MSRB3: variants seen among roughly 807,000 people sequenced by gnomAD.
MSRB3 encodes methionine sulfoxide reductase B3, also known as methionine-R-sulfoxide reductase B3.
In MSRB3, 13 loss-of-function variants were observed where a neutral mutation model predicts 21.0. The observed-to-expected ratio is 0.62, with a 90% CI of 0.40 to 0.98. MSRB3 has a LOEUF of 0.98. Ranked by LOEUF, MSRB3 falls within the 50% of genes least tolerant of loss-of-function variation. MSRB3 has a pLI of 0.00. For synonymous variants in MSRB3, 87 were observed against 88.6 expected (o/e 0.98, Z 0.10); for missense variants, 199 against 230.3 (o/e 0.86, Z 0.88).
chr12:65,383,636 A>T (rs149809655), intron 5 of MSRB3, among the ~76,000 whole-genome samples: 26 of 151,308 alleles, frequency 1.7e-4, no homozygotes, highest in African/African-American at 6.3e-4. Context: ...ACATAAATGA[A>T]CAAAGAGATG....
intron 6 of MSRB3, among the ~76,000 whole-genome samples, chr12:65,462,651 G>T (rs554765249): frequency 6.6e-6 from 1 of 152,276 alleles, no homozygotes; most frequent in South Asian, 2.1e-4. Context: ...TTGCTTCGCT[G>T]GGTTCCAAGA....
chr12:65,288,949 G>T (rs1872537630), intron 1 of MSRB3, among the ~76,000 whole-genome samples: 1 of 151,976 alleles, frequency 6.6e-6, no homozygotes, highest in South Asian at 2.1e-4. Flanking sequence ...ACACAAAAAA[G>T]AATATATAGT....
intron 4 of MSRB3, among the ~76,000 whole-genome samples, chr12:65,339,002 G>A (rs1204148632): frequency 3.3e-5 from 5 of 152,110 alleles, no homozygotes; most frequent in Non-Finnish European, 7.4e-5. Context: ...GCTTGAACCC[G>A]GGAGGCGGAG....
At chr12:65,445,429 C>T (rs1392986220) in intron 5 of MSRB3, among the ~76,000 whole-genome samples, 1 of 149,288 alleles carries the variant, frequency 6.7e-6, no homozygotes, top group Non-Finnish European at 1.5e-5. Flanking sequence ...ATCTAGAATG[C>T]CCCTGGCAGC....
chr12:65,335,880 A>G (rs1205301690), intron 4 of MSRB3, among the ~76,000 whole-genome samples: 1 of 152,230 alleles, frequency 6.6e-6, no homozygotes, highest in Non-Finnish European at 1.5e-5. Flanking sequence ...CTTGAATTTT[A>G]AAAGATTTGA....
chr12:65,368,950 C>A (rs918934261), intron 4 of MSRB3, 48 bp from the exon 5 acceptor site: 8 of 411,528 alleles, frequency 1.9e-5, no homozygotes, highest in African/African-American at 7.7e-5. Flanking sequence ...AATAATTGTT[C>A]TTTTACAAAC....
Position 65,278,703 on chromosome 12 carries a change from C to A in MSRB3, c.-214C>A. 2.1e-6 allele frequency: 3 copies of A among 1,397,720 alleles called. No homozygotes were observed. Among genetic ancestry groups the A allele is most frequent in the South Asian group, 2.5e-5 (2 of 81,142 alleles). 86.6% of individuals were successfully genotyped at this position (1,397,720 alleles called of 1,614,324 possible). A position where few individuals can be genotyped will look rare whatever the true frequency, so the allele number is the denominator to read the frequency against. ...CCGTCATGCCTCCCGCCGCCCCGTC[C>A]GTCGCCCGGAGCCGGGGAGGGAGGG... On this transcript the variant is annotated 5_prime_UTR_variant, in exon 1 of 7. Coordinates refer to ENST00000308259, the MANE Select transcript of MSRB3 (RefSeq NM_001031679.3).
intron 5 of MSRB3, among the ~76,000 whole-genome samples, chr12:65,390,714 A>G (rs1488886318): frequency 6.6e-6 from 1 of 152,212 alleles, no homozygotes; most frequent in Non-Finnish European, 1.5e-5. Context: ...AACCCTTAAC[A>G]GCCTAAATGT....
intron 5 of MSRB3, among the ~76,000 whole-genome samples, chr12:65,385,740 T>C (rs1434184227): frequency 6.6e-6 from 1 of 152,008 alleles, no homozygotes; most frequent in Non-Finnish European, 1.5e-5. Flanking sequence ...CTTATATTTA[T>C]TGTGAAAACT....
At chr12:65,314,657 C>G (rs1220361100) in intron 2 of MSRB3, among the ~76,000 whole-genome samples, 1 of 151,918 alleles carries the variant, frequency 6.6e-6, no homozygotes, top group East Asian at 1.9e-4. Context: ...TGTGGATTCT[C>G]TTGATTTTCT....
intron 1 of MSRB3, chr12:65,279,616 G>T (rs1488398923): frequency 6.6e-6 from 1 of 152,250 alleles, no homozygotes; most frequent in African/African-American, 2.4e-5. Flanking sequence ...TGAATGAAAA[G>T]TGCTGTTCCT....
intron 4 of MSRB3, among the ~76,000 whole-genome samples, chr12:65,339,744 A>C (rs889658938): frequency 6.6e-6 from 1 of 152,176 alleles, no homozygotes. Flanking sequence ...AGGTTCCTTA[A>C]ATGATAACAA....
At chr12:65,328,124 A>G (rs1417262343) in intron 3 of MSRB3, among the ~76,000 whole-genome samples, 1 of 152,168 alleles carries the variant, frequency 6.6e-6, no homozygotes, top group African/African-American at 2.4e-5. Flanking sequence ...TTTTCAAACC[A>G]AAAAATAAGA....
intron 5 of MSRB3, among the ~76,000 whole-genome samples, chr12:65,409,687 A>G (rs940419335): frequency 1.3e-5 from 2 of 152,152 alleles, no homozygotes; most frequent in Admixed American, 1.3e-4. Flanking sequence ...TACCTCATCC[A>G]TCTATACAAT....
rs746028770 is a variant in MSRB3, at chr12:65,328,512, T to G, written c.186-14T>G. 5.8e-6 allele frequency: 9 copies of G among 1,561,240 alleles called. No individual in the cohort carries two copies. Among genetic ancestry groups the G allele is most frequent in the Non-Finnish European group, 7.9e-6 (9 of 1,132,540 alleles). ...GCTAACTTTAATTTTTTAAATGATC[T>G]GTTTATTTATCAGTGCCTTTGAAGG... is the stretch of plus-strand genomic sequence containing the variant. On this transcript the variant is annotated splice_polypyrimidine_tract_variant and intron_variant, in intron 3 of 6. Transcript: ENST00000308259.
intron 5 of MSRB3, among the ~76,000 whole-genome samples, chr12:65,406,862 C>A (rs1030680551): frequency 6.6e-6 from 1 of 152,260 alleles, no homozygotes; most frequent in South Asian, 2.1e-4. Context: ...GTCCATTTTG[C>A]CTTTTTGTGT....
chr12:65,318,759 T>C (rs1874472291), intron 2 of MSRB3, among the ~76,000 whole-genome samples: 1 of 152,206 alleles, frequency 6.6e-6, no homozygotes, highest in South Asian at 2.1e-4. Flanking sequence ...ACTCTAGGCT[T>C]TGTGGTCCAC....
chr12:65,290,554 G>A (rs778661778), intron 1 of MSRB3, among the ~76,000 whole-genome samples: 9 of 152,110 alleles, frequency 5.9e-5, no homozygotes, highest in Non-Finnish European at 8.8e-5. Context: ...TGTTCTACAG[G>A]TCTTTTAAAA....
At chr12:65,324,546 A>T (rs1199286143) in intron 2 of MSRB3, among the ~76,000 whole-genome samples, 2 of 152,188 alleles carry the variant, frequency 1.3e-5, no homozygotes, top group Non-Finnish European at 2.9e-5. Flanking sequence ...TACTTCAATC[A>T]GATGTTTTCA....
Sources: allele counts gnomAD v4.1 joint callset (sites outside exome capture counted in the v4.1 genomes callset), GRCh38; gene constraint gnomAD v4.1.1; transcripts MANE v1.5; gene names NCBI Gene and HGNC (gene_info 2026-07-23, HGNC 2026-07-21).